The following PDGFD variants were observed in gnomAD, a reference collection of about 807,000 sequenced individuals.
PDGFD encodes the protein platelet derived growth factor D.
PDGFD carries 30 observed loss-of-function variants against 44.7 expected under a neutral mutation model. The observed-to-expected ratio is 0.67, with a 90% CI of 0.50 to 0.91. The LOEUF is 0.91. Among genes scored for constraint, PDGFD ranks in the 40% least tolerant of loss-of-function variants. The probability of loss-of-function intolerance (pLI) is 0.00; values close to 1 mark genes in which losing one functional copy is unlikely to be tolerated. For missense variants in PDGFD, 445 were observed against 457.8 expected, an observed-to-expected ratio of 0.97 and a Z score of 0.25; for synonymous variants, 173 against 168.4, an observed-to-expected ratio of 1.03 and a Z score of -0.21.
At chr11:103,972,905 A>G (rs1859123749) in intron 3 of PDGFD, among the ~76,000 whole-genome samples, 1 of 152,176 alleles carries the variant, frequency 6.6e-6, no homozygotes, top group Non-Finnish European at 1.5e-5. Flanking sequence ...ATAGCATAAG[A>G]AACTTCTCAG....
At chr11:103,999,658 G>C (rs1859589044) in intron 2 of PDGFD, among the ~76,000 whole-genome samples, 1 of 152,186 alleles carries the variant, frequency 6.6e-6, no homozygotes, top group Admixed American at 6.5e-5. Flanking sequence ...GTCAGCGGGA[G>C]CCGGGCAGGG....
intron 6 of PDGFD, among the ~76,000 whole-genome samples, chr11:103,918,799 T>C (rs1348521158): frequency 6.6e-6 from 1 of 152,238 alleles, no homozygotes; most frequent in Non-Finnish European, 1.5e-5. Flanking sequence ...TAGTCTTAGG[T>C]TCAGGTACAC....
intron 1 of PDGFD, among the ~76,000 whole-genome samples, chr11:104,090,888 C>T (rs1257357463): frequency 6.6e-6 from 1 of 151,988 alleles, no homozygotes; most frequent in African/African-American, 2.4e-5. Context: ...AGGAGAAGTT[C>T]CCACAGATCC....
Position 103,909,086 on chromosome 11 carries a change from C to A in PDGFD, c.*608G>T, listed in dbSNP as rs1242006007. On this transcript the variant is annotated 3_prime_UTR_variant, in exon 7 of 7. Coordinates refer to ENST00000393158, the MANE Select transcript of PDGFD (RefSeq NM_025208.5). ...ATTATAGTCCACATAGGTAAGTATG[C>A]AGTGCTTCTCATGGAAAAAATGCTT... 1 of 152,262 alleles carries A rather than the reference C, an allele frequency of 6.6e-6. No individual in the cohort carries two copies. The highest frequency in any genetic ancestry group is 1.5e-5 in the Non-Finnish European group (1 of 68,106). The allele number at this position is 152,262 out of a possible 1,614,324, so 9.4% of individuals were successfully genotyped here. A position where few individuals can be genotyped will look rare whatever the true frequency, so the allele number is the denominator to read the frequency against.
Position 104,045,722 on chromosome 11 carries a change from A to T in PDGFD, c.125-45467T>A, listed in dbSNP as rs1340778237. On this transcript the variant is annotated intron_variant, in intron 1 of 6. Transcript: ENST00000393158. ...GGAATAGAAACTTCAGAAGAAACAC[A>T]AATAATGATGTTAGTTTCACATTTA... Among the ~76,000 whole-genome samples the T allele has an allele frequency of 1.8e-4, 26 of 142,250 alleles. 7 individuals carry two copies. The highest frequency in any genetic ancestry group is 3.8e-4 in the Non-Finnish European group (24 of 63,962). The allele number at this position is 142,250 out of a possible 152,430, so 93.3% of individuals were successfully genotyped here.
At chr11:103,943,417 T>C (rs1858617134) in intron 5 of PDGFD, 35 bp downstream of exon 5, 1 of 1,572,414 alleles carries the variant, frequency 6.4e-7, no homozygotes, top group Non-Finnish European at 8.7e-7. Flanking sequence ...GATTTCTATG[T>C]GCTTATGAAG....
intron 1 of PDGFD, among the ~76,000 whole-genome samples, chr11:104,051,116 C>T (rs564498896): frequency 6.6e-6 from 1 of 152,200 alleles, no homozygotes; most frequent in South Asian, 2.1e-4. Context: ...AAATGCCCTC[C>T]ATTATGATGA....
chr11:103,973,142 T>G (rs1859127066), intron 3 of PDGFD, among the ~76,000 whole-genome samples: 1 of 150,306 alleles, frequency 6.7e-6, no homozygotes, highest in Non-Finnish European at 1.5e-5. Flanking sequence ...TGGTCACTTT[T>G]TTTTTTTTTT....
At chr11:104,054,246 A>G (rs933047597) in intron 1 of PDGFD, among the ~76,000 whole-genome samples, 1 of 152,232 alleles carries the variant, frequency 6.6e-6, no homozygotes, top group African/African-American at 2.4e-5. Flanking sequence ...TAAAATGACA[A>G]TTGCATATTT....
At chr11:103,962,878 C>T (rs1052013839) in intron 3 of PDGFD, among the ~76,000 whole-genome samples, 4 of 152,046 alleles carry the variant, frequency 2.6e-5, no homozygotes, top group African/African-American at 9.7e-5. Flanking sequence ...TACAATCTTT[C>T]TAACATATTA....
At chr11:104,105,039 C>T (rs968081330) in intron 1 of PDGFD, among the ~76,000 whole-genome samples, 4 of 152,090 alleles carry the variant, frequency 2.6e-5, no homozygotes, top group African/African-American at 9.7e-5. Context: ...TTATGTGAAA[C>T]GTATGTGCCA....
chr11:104,018,702 C>T (rs531580721), intron 1 of PDGFD, among the ~76,000 whole-genome samples: 4 of 152,210 alleles, frequency 2.6e-5, no homozygotes, highest in Non-Finnish European at 5.9e-5. Flanking sequence ...GCTCCTGGCA[C>T]TCATACATGT....
At chr11:104,159,804 G>A (rs1034600625) in intron 1 of PDGFD, among the ~76,000 whole-genome samples, 2 of 152,062 alleles carry the variant, frequency 1.3e-5, no homozygotes, top group African/African-American at 4.8e-5. Context: ...AACTCATTAT[G>A]GTCATTAATG....
intron 3 of PDGFD, among the ~76,000 whole-genome samples, chr11:103,963,715 T>A (rs1591097334): frequency 6.6e-6 from 1 of 152,176 alleles, no homozygotes; most frequent in African/African-American, 2.4e-5. Flanking sequence ...TTTTATTTAA[T>A]ATAGTCTTCA....
intron 3 of PDGFD, among the ~76,000 whole-genome samples, chr11:103,958,970 G>A (rs1285944169): frequency 6.6e-6 from 1 of 152,126 alleles, no homozygotes; most frequent in African/African-American, 2.4e-5. Context: ...ACCATTTGAA[G>A]TCTAAAAGCC....
chr11:103,920,126 T>C (rs1858190886), intron 6 of PDGFD, among the ~76,000 whole-genome samples: 1 of 152,158 alleles, frequency 6.6e-6, no homozygotes, highest in African/African-American at 2.4e-5. Context: ...AAGACATAAA[T>C]GACAAACAGC....
At chr11:104,132,198 T>C (rs1406456617) in intron 1 of PDGFD, among the ~76,000 whole-genome samples, 1 of 152,080 alleles carries the variant, frequency 6.6e-6, no homozygotes. Flanking sequence ...ACTCTCTCTT[T>C]AAGTTACCTC....
intron 1 of PDGFD, chr11:104,036,820 G>A (rs372417844): frequency 1.9e-6 from 3 of 1,611,092 alleles, no homozygotes; most frequent in African/African-American, 2.7e-5. Context: ...CCGGGCCCCC[G>A]CCATGCTGAT....
At chr11:104,117,214 C>A (rs1393716038) in intron 1 of PDGFD, among the ~76,000 whole-genome samples, 1 of 151,960 alleles carries the variant, frequency 6.6e-6, no homozygotes, top group East Asian at 1.9e-4. Context: ...GCAAAATCGA[C>A]ATACAAGGGA....
Sources: allele counts gnomAD v4.1 joint callset (sites outside exome capture counted in the v4.1 genomes callset), GRCh38; gene constraint gnomAD v4.1.1; transcripts MANE v1.5; gene names NCBI Gene and HGNC (gene_info 2026-07-23, HGNC 2026-07-21).